CAMSAP3: variants seen among roughly 807,000 people sequenced by gnomAD.
The protein encoded by CAMSAP3 is calmodulin regulated spectrin associated protein family member 3, also known as calmodulin-regulated spectrin-associated protein 3.
Under a neutral mutation model 112.5 loss-of-function variants are expected in CAMSAP3, and 34 were observed. That is an observed-to-expected ratio of 0.30 (90% CI 0.23 to 0.40). CAMSAP3 has a LOEUF of 0.40. CAMSAP3 is among the 10% of genes least tolerant of loss of function. CAMSAP3 has a pLI of 1.00. For synonymous variants in CAMSAP3, 868 were observed against 799.8 expected (o/e 1.09, Z -1.44); for missense variants, 1,602 against 1,770.3 (o/e 0.90, Z 1.71).
At chr19:7,601,807 G>A (rs775596231) in intron 1 of CAMSAP3, among the ~76,000 whole-genome samples, 5 of 152,000 alleles carry the variant, frequency 3.3e-5, no homozygotes, top group Non-Finnish European at 7.4e-5. Flanking sequence ...GCTCATGCCT[G>A]TAATCCCAGC....
Position 7,612,622 on chromosome 19 carries a change from T to C in CAMSAP3, c.2129T>C (p.Leu710Ser). 1 of 1,525,638 alleles carries C rather than the reference T, an allele frequency of 6.6e-7. No individual in the cohort carries two copies. Among genetic ancestry groups the C allele is most frequent in the Admixed American group, 2.0e-5 (1 of 50,474 alleles). 94.5% of individuals were successfully genotyped at this position (1,525,638 alleles called of 1,614,324 possible). A position where few individuals can be genotyped will look rare whatever the true frequency, so the allele number is the denominator to read the frequency against. The change falls in exon 11 of 17, where the codon TTG becomes TCG. Residue 710 changes from leucine (L) to serine (S), a missense_variant. Physicochemically the swap from Leu to Ser is moderately radical, Grantham distance 145. This residue lies in a region of CAMSAP3 where 1,100 missense variants were observed against 1,135.7 expected (regional missense o/e 0.97). Coordinates refer to ENST00000160298, the MANE Select transcript of CAMSAP3 (RefSeq NM_020902.2). Reference protein sequence around the residue: ...NRAVSKLSAALSSLQRDMQRL... With the variant: ...NRAVSKLSAASSSLQRDMQRL... ...GCGGTCAGCAAGCTGAGTGCCGCCT[T>C]GAGCTCGCTGCAGCGGGACATGCAG... is the stretch of plus-strand genomic sequence containing the variant.
At chr19:7,602,949 G>A (rs1192565128) in intron 1 of CAMSAP3, among the ~76,000 whole-genome samples, 1 of 152,048 alleles carries the variant, frequency 6.6e-6, no homozygotes, top group African/African-American at 2.4e-5. Context: ...GGGCTGGGAG[G>A]GCAGGGAGGA....
intron 14 of CAMSAP3, 133 bp downstream of exon 14, chr19:7,616,755 G>A (rs2030813006): frequency 1.5e-6 from 1 of 657,640 alleles, no homozygotes; most frequent in Non-Finnish European, 2.7e-6. Context: ...GAGATGGAGG[G>A]ACGCGTGTGG....
At chr19:7,616,867 G>A (rs1156994614) in intron 14 of CAMSAP3, among the ~76,000 whole-genome samples, 3 of 151,910 alleles carry the variant, frequency 2.0e-5, no homozygotes, top group Non-Finnish European at 4.4e-5. Context: ...AGGACAGCAC[G>A]GGGCACTGCA....
At chr19:7,596,950 G>C (rs1191831963) in intron 1 of CAMSAP3, among the ~76,000 whole-genome samples, 1 of 152,104 alleles carries the variant, frequency 6.6e-6, no homozygotes, top group Admixed American at 6.5e-5. Context: ...TAATGGGGAG[G>C]ATGCCGTAAT....
At chr19:7,608,422 C>T (rs528642488) in intron 5 of CAMSAP3, among the ~76,000 whole-genome samples, 158 bp downstream of exon 5, 6 of 152,260 alleles carry the variant, frequency 3.9e-5, no homozygotes, top group Admixed American at 3.9e-4. Context: ...GTGTCTCTCT[C>T]TTCCCCAATG....
At chr19:7,602,329 C>T (rs1287728732) in intron 1 of CAMSAP3, among the ~76,000 whole-genome samples, 2 of 152,136 alleles carry the variant, frequency 1.3e-5, no homozygotes, top group African/African-American at 4.8e-5. Context: ...GGAAGAACAT[C>T]GGTGTATAAT....
intron 1 of CAMSAP3, among the ~76,000 whole-genome samples, chr19:7,603,605 G>A (rs548033102): frequency 1.6e-4 from 24 of 152,240 alleles, no homozygotes; most frequent in African/African-American, 5.8e-4. Context: ...CCAGCACTTT[G>A]GGAAGCCAAG....
In CAMSAP3 at chr19:7,615,584, G is replaced by C. The variant is rs917240965; in HGVS notation, c.2977G>C (p.Asp993His). The C allele has an allele frequency of 6.6e-7, 1 of 1,503,922 alleles. No homozygotes were observed. Among genetic ancestry groups the C allele is most frequent in the Non-Finnish European group, 8.9e-7 (1 of 1,126,644 alleles). 93.2% of individuals were successfully genotyped at this position (1,503,922 alleles called of 1,614,324 possible). A position where few individuals can be genotyped will look rare whatever the true frequency, so the allele number is the denominator to read the frequency against. The change falls in exon 13 of 17, where the codon GAC becomes CAC. Residue 993 changes from aspartate to histidine, a missense_variant. Physicochemically the swap from Asp to His is moderately conservative, Grantham distance 81 (BLOSUM62 -1). Around this residue, in one of 6 missense-constraint regions of CAMSAP3, gnomAD observed 1,100 missense variants for 1,135.7 expected, o/e 0.97. Coordinates refer to ENST00000160298, the MANE Select transcript of CAMSAP3 (RefSeq NM_020902.2). This position sits in a 1 kb window ranked among gnomAD's most constrained non-coding sequence, Gnocchi z 6.5. ...CCGGGCCCAGCTGAAGCTGATGGAC[G>C]ACCTCGATAAGGTGCTGCGGCCCCG... ...ERRAQLKLMD[D>H]LDKVLRPRAA...
chr19:7,601,402 T>C (rs2029960597), intron 1 of CAMSAP3, among the ~76,000 whole-genome samples: 1 of 152,126 alleles, frequency 6.6e-6, no homozygotes, highest in South Asian at 2.1e-4. Flanking sequence ...CACCACAGCC[T>C]CCGTCTCCTG....
rs764814437 is a variant in CAMSAP3 at position 7,610,964 on chromosome 19, T to G, written c.1049+33T>G. 2 of 1,575,260 alleles carry G rather than the reference T, an allele frequency of 1.3e-6. No individual in the cohort carries two copies. Among genetic ancestry groups the G allele is most frequent in the South Asian group, 2.3e-5 (2 of 85,656 alleles). ...CCCCACACTGGGCGAGTCTCTGGCA[T>G]TGTGGGTGTGGGGCTCCATGTCTGC... On this transcript the variant is annotated intron_variant, in intron 8 of 16. Coordinates refer to ENST00000160298, the MANE Select transcript of CAMSAP3 (RefSeq NM_020902.2). The surrounding 1 kb of genome is among the most constrained non-coding windows in gnomAD (Gnocchi z 4.9).
chr19:7,616,757 C>A (rs761744937), intron 14 of CAMSAP3, 135 bp downstream of exon 14: 6 of 648,752 alleles, frequency 9.2e-6, no homozygotes, highest in South Asian at 1.6e-5. Flanking sequence ...GATGGAGGGA[C>A]GCGTGTGGGC....
intron 5 of CAMSAP3, among the ~76,000 whole-genome samples, chr19:7,609,999 C>T (rs905869398): frequency 6.6e-6 from 1 of 152,096 alleles, no homozygotes; most frequent in African/African-American, 2.4e-5. Flanking sequence ...GGGTTAAGGA[C>T]CCCCGGCCTA....
At chr19:7,614,409 T>A (rs1169053783) in intron 11 of CAMSAP3, among the ~76,000 whole-genome samples, 1 of 150,352 alleles carries the variant, frequency 6.7e-6, no homozygotes, top group African/African-American at 2.4e-5. Flanking sequence ...TGCAGTGGCA[T>A]GATCTCGGTT....
chr19:7,606,163 CCGTCAAGTCCCT>C, intron 2 of CAMSAP3, 96 bp from the exon 3 acceptor site: 1 of 766,570 alleles, frequency 1.3e-6, no homozygotes, highest in East Asian at 4.3e-5. Context: ...CCCACCCCCC[CCGTCAAGTCCCT>C]CCCATCTGCA....
Position 7,606,490 on chromosome 19 carries a change from G to A in CAMSAP3, c.540G>A (p.Leu180=). 6.3e-7 allele frequency: 1 copy of A among 1,584,300 alleles called. No homozygotes were observed. The highest frequency in any genetic ancestry group is 1.1e-5 in the South Asian group (1 of 89,028). ...CTGCCCTCCAGACCGTCCGGCGGCT[G>A]CAGGAGAAGACCGAGCAGGAAGCGG... The part of the protein sequence containing the change: ...LFWVDTTVRR[L]QEKTEQEAAQ... The change falls in exon 4 of 17, where the codon CTG becomes CTA. Residue 180 remains leucine, a synonymous_variant. Coordinates refer to ENST00000160298, the MANE Select transcript of CAMSAP3 (RefSeq NM_020902.2).
At chr19:7,602,336 T>C (rs1388775822) in intron 1 of CAMSAP3, among the ~76,000 whole-genome samples, 7 of 152,176 alleles carry the variant, frequency 4.6e-5, no homozygotes, top group African/African-American at 9.7e-5. Context: ...CATCGGTGTA[T>C]AATAAGTGTC....
rs1287443886 is a variant in CAMSAP3, at chr19:7,612,121, C to T, written c.1628C>T (p.Pro543Leu). 2 of 1,612,600 alleles carry T rather than the reference C, an allele frequency of 1.2e-6. No individual in the cohort carries two copies. The highest frequency in any genetic ancestry group is 1.7e-6 in the Non-Finnish European group (2 of 1,179,670). The change falls in exon 11 of 17, where the codon CCA (proline) becomes CTA (leucine). Residue 543 changes from proline (P) to leucine (L), a missense_variant. Physicochemically the swap from Pro to Leu is moderately conservative, Grantham distance 98. This residue lies in a region of CAMSAP3 where 1,100 missense variants were observed against 1,135.7 expected (regional missense o/e 0.97). Transcript: ENST00000160298. ...LVGEASKPPA[P>L]SEGSPKAVAS... is the part of the protein sequence containing the mutation. Reference sequence around the variant, plus strand: ...GGGGAGGCATCGAAACCGCCAGCCCCATCCGAGGGGTCCCCGAAGGCGGTG... The same window carrying T: ...GGGGAGGCATCGAAACCGCCAGCCCTATCCGAGGGGTCCCCGAAGGCGGTG...
rs2030562324 is a variant in CAMSAP3, at chr19:7,612,648, AGGCTCACGGACCAGCAGCAGC to A, written c.2161_2181del (p.Thr721_Leu727del). ...GAGCTCGCTGCAGCGGGACATGCAG[AGGCTCACGGACCAGCAGCAGC>A]GGCTCCTGGCCCCGCCCGAGGCCCC... On this transcript the variant is annotated inframe_deletion, in exon 11 of 17. Transcript: ENST00000160298. 5.9e-6 allele frequency: 9 copies of A among 1,515,936 alleles called. No individual in the cohort carries two copies. Among genetic ancestry groups the A allele is most frequent in the South Asian group, 1.2e-5 (1 of 82,364 alleles). 93.9% of individuals were successfully genotyped at this position (1,515,936 alleles called of 1,614,324 possible).
Sources: allele counts gnomAD v4.1 joint callset (sites outside exome capture counted in the v4.1 genomes callset), GRCh38; gene constraint gnomAD v4.1.1; regional missense constraint gnomAD v4.1.1; non-coding constraint Gnocchi (gnomAD v3.1); transcripts MANE v1.5; gene names NCBI Gene and HGNC (gene_info 2026-07-23, HGNC 2026-07-21).